Variants in TRAPPC9 observed in about 807,000 individuals in gnomAD.
TRAPPC9 encodes the protein trafficking protein particle complex subunit 9.
In TRAPPC9, 83 loss-of-function variants were observed where a neutral mutation model predicts 124.0. The ratio of observed to expected loss-of-function variants is 0.67; its 90% CI spans 0.56 to 0.80. The LOEUF (loss-of-function observed/expected upper bound fraction) is 0.80. Among genes scored for constraint, TRAPPC9 ranks in the 30% least tolerant of loss-of-function variants. The pLI is 0.00. For synonymous variants in TRAPPC9, 638 were observed against 617.5 expected (o/e 1.03, Z -0.49); for missense variants, 1,302 against 1,508.3 (o/e 0.86, Z 2.27).
At position 139,763,489 on chromosome 8, in the gene TRAPPC9, T is replaced by C. The variant is rs373745071; in HGVS notation, c.3056-31287A>G. Among the ~76,000 whole-genome samples, 41 of 140,734 alleles carry C rather than the reference T, an allele frequency of 2.9e-4. No individual in the cohort carries two copies. The South Asian group carries it at 0.01, about 36-fold the overall frequency. 92.3% of individuals were successfully genotyped at this position (140,734 alleles called of 152,430 possible). ...TCCTTCACTCATAGCAAATATTCAC[T>C]GAGCAGTCACCACGTGCTAGGCACT... is the stretch of plus-strand genomic sequence containing the variant. On this transcript the variant is annotated intron_variant, in intron 21 of 22. Coordinates refer to ENST00000438773, the MANE Select transcript of TRAPPC9 (RefSeq NM_001160372.4).
chr8:139,824,721 C>G (rs959161639), intron 21 of TRAPPC9, among the ~76,000 whole-genome samples: 6 of 152,056 alleles, frequency 3.9e-5, no homozygotes, highest in Admixed American at 2.6e-4. Flanking sequence ...CCACTACGCC[C>G]AGCTAATTTT....
intron 19 of TRAPPC9, among the ~76,000 whole-genome samples, chr8:139,963,253 G>T (rs1396239518): frequency 6.6e-6 from 1 of 152,112 alleles, no homozygotes; most frequent in African/African-American, 2.4e-5. Context: ...CTCCCTTGGA[G>T]CCTTGCACTA....
At chr8:140,276,172 G>A (rs140341943) in intron 14 of TRAPPC9, among the ~76,000 whole-genome samples, 3 of 152,298 alleles carry the variant, frequency 2.0e-5, no homozygotes, top group African/African-American at 7.2e-5. Flanking sequence ...AAACCATGAG[G>A]CCGCTGTTCT....
At chr8:140,441,888 G>A (rs2071031392) in intron 2 of TRAPPC9, among the ~76,000 whole-genome samples, 1 of 152,104 alleles carries the variant, frequency 6.6e-6, no homozygotes, top group Non-Finnish European at 1.5e-5. Context: ...GTTTTAAGTA[G>A]CTTGGCATGG....
At chr8:140,014,898 G>A (rs955399682) in intron 18 of TRAPPC9, among the ~76,000 whole-genome samples, 3 of 152,328 alleles carry the variant, frequency 2.0e-5, no homozygotes, top group East Asian at 1.9e-4. Context: ...CTAGCAGGCC[G>A]TGAATAAATA....
chr8:140,059,040 G>A (rs1842441358), intron 17 of TRAPPC9, among the ~76,000 whole-genome samples: 1 of 152,250 alleles, frequency 6.6e-6, no homozygotes, highest in East Asian at 1.9e-4. Flanking sequence ...AACATATTAT[G>A]ACAAATGTAT....
At chr8:140,404,842 G>C (rs921459090) in intron 6 of TRAPPC9, among the ~76,000 whole-genome samples, 1 of 152,040 alleles carries the variant, frequency 6.6e-6, no homozygotes, top group South Asian at 2.1e-4. Flanking sequence ...GCATGCGTGT[G>C]TACGTGCCTG....
At chr8:139,983,967 G>A (rs1162130718) in intron 19 of TRAPPC9, among the ~76,000 whole-genome samples, 2 of 152,164 alleles carry the variant, frequency 1.3e-5, no homozygotes, top group African/African-American at 4.8e-5. Flanking sequence ...ACTTCATATG[G>A]GAAGTGCTCA....
chr8:139,770,268 G>A (rs1023402572), intron 21 of TRAPPC9, among the ~76,000 whole-genome samples: 2 of 152,242 alleles, frequency 1.3e-5, no homozygotes, highest in South Asian at 2.1e-4. Flanking sequence ...GCCACCTCCC[G>A]ACCTTGTATG....
At chr8:140,249,597 C>CTTTTTTT (rs35511380) in intron 16 of TRAPPC9, among the ~76,000 whole-genome samples, 37 of 81,984 alleles carry the variant, frequency 4.5e-4, no homozygotes, top group African/African-American at 1.0e-3. Context: ...ATCTTTCACT[C>CTTTTTTT]TTTTTTTTTT....
intron 19 of TRAPPC9, among the ~76,000 whole-genome samples, chr8:139,951,639 CAG>C (rs1375102401): frequency 1.3e-5 from 2 of 152,196 alleles, no homozygotes; most frequent in African/African-American, 4.8e-5. Context: ...CCTCAAGCTG[CAG>C]AGTTAGAGGC....
At chr8:140,320,218 T>G (rs1387750541) in intron 9 of TRAPPC9, among the ~76,000 whole-genome samples, 2 of 152,208 alleles carry the variant, frequency 1.3e-5, no homozygotes, top group Non-Finnish European at 2.9e-5. Context: ...GATATTGATC[T>G]TTCAACATAA....
At chr8:140,140,886 T>C (rs1156385237) in intron 17 of TRAPPC9, among the ~76,000 whole-genome samples, 2 of 152,188 alleles carry the variant, frequency 1.3e-5, no homozygotes, top group Admixed American at 1.3e-4. Context: ...CACGGTCAGT[T>C]TTCCCCTCAG....
chr8:139,875,526 C>T (rs1015629499), intron 21 of TRAPPC9, among the ~76,000 whole-genome samples: 2 of 152,198 alleles, frequency 1.3e-5, no homozygotes, highest in African/African-American at 4.8e-5. Flanking sequence ...GAAAAACAAA[C>T]GATCCTCTTT....
intron 17 of TRAPPC9, among the ~76,000 whole-genome samples, chr8:140,134,208 G>C (rs1032360530): frequency 6.6e-6 from 1 of 152,120 alleles, no homozygotes; most frequent in Non-Finnish European, 1.5e-5. Flanking sequence ...CACAGACCAA[G>C]AGAATAAGAT....
chr8:139,862,277 T>C (rs960133650), intron 21 of TRAPPC9, among the ~76,000 whole-genome samples: 1 of 152,266 alleles, frequency 6.6e-6, no homozygotes, highest in Non-Finnish European at 1.5e-5. Context: ...ACCAGGTCTC[T>C]GCCTTTTCCA....
intron 17 of TRAPPC9, among the ~76,000 whole-genome samples, chr8:140,168,215 G>C (rs1028528706): frequency 4.6e-5 from 7 of 152,178 alleles, no homozygotes; most frequent in African/African-American, 4.8e-5. Context: ...ATTTCAAAGT[G>C]ATCAGGATGA....
rs1588138019 is a variant in TRAPPC9 at position 140,313,312 on chromosome 8, T to C, written c.1496-1938A>G. 2.0e-5 allele frequency among the ~76,000 whole-genome samples: 3 copies of C among 152,302 alleles called. No homozygotes were observed. The East Asian group carries it at 5.8e-4, about 29-fold the overall frequency. On this transcript the variant is annotated intron_variant, in intron 9 of 22. Coordinates refer to ENST00000438773, the MANE Select transcript of TRAPPC9 (RefSeq NM_001160372.4). ...TCTACCACCCCATACACACTCTCGGTAAATGCTGCTGAAATAAAGGGATCT... is the reference window on the plus strand; with the variant it reads ...TCTACCACCCCATACACACTCTCGGCAAATGCTGCTGAAATAAAGGGATCT...
At chr8:140,210,859 T>C (rs141113912) in intron 17 of TRAPPC9, among the ~76,000 whole-genome samples, 173 of 152,304 alleles carry the variant, frequency 1.1e-3, no homozygotes, top group African/African-American at 3.4e-3. Context: ...GCTGTAAGTG[T>C]TCAAGGAGTA....
Sources: gnomAD v4.1 joint callset for allele counts (sites outside exome capture counted in the v4.1 genomes callset) on GRCh38, gnomAD v4.1.1 for gene constraint, MANE v1.5 for transcripts, NCBI Gene and HGNC (gene_info 2026-07-23, HGNC 2026-07-21) for gene names.